Variants in PCSK2 observed in about 807,000 individuals in gnomAD.
PCSK2 encodes the protein proprotein convertase subtilisin/kexin type 2.
Under a neutral mutation model 69.7 loss-of-function variants are expected in PCSK2, and 14 were observed. The observed-to-expected ratio is 0.20, with a 90% CI of 0.13 to 0.31. The LOEUF is 0.31. PCSK2 is among the 10% of genes least tolerant of loss of function. The probability of loss-of-function intolerance (pLI) is 1.00; values close to 1 mark genes in which losing one functional copy is unlikely to be tolerated. For missense variants in PCSK2, 544 were observed against 842.5 expected (o/e 0.65, Z 4.39); for synonymous variants, 307 against 320.7 (o/e 0.96, Z 0.46).
chr20:17,337,180 G>A (rs567126217), intron 2 of PCSK2, among the ~76,000 whole-genome samples: 2 of 152,200 alleles, frequency 1.3e-5, no homozygotes, highest in South Asian at 4.1e-4. Flanking sequence ...GGATGGAGAA[G>A]AGCCCTGTTT....
chr20:17,259,490 C>T (rs1279994117), intron 1 of PCSK2, among the ~76,000 whole-genome samples: 1 of 152,178 alleles, frequency 6.6e-6, no homozygotes, highest in Non-Finnish European at 1.5e-5. Context: ...ACCTGAGCCA[C>T]ATCCAGGCCT....
chr20:17,268,345 T>C (rs1376576120), intron 2 of PCSK2, among the ~76,000 whole-genome samples: 1 of 151,994 alleles, frequency 6.6e-6, no homozygotes, highest in East Asian at 1.9e-4. Context: ...GTGGTCAAAA[T>C]GCTATGAGAA....
chr20:17,366,797 A>G (rs1234974726), intron 4 of PCSK2, among the ~76,000 whole-genome samples: 1 of 152,124 alleles, frequency 6.6e-6, no homozygotes, highest in East Asian at 1.9e-4. Flanking sequence ...CTAATTTAAG[A>G]TCGTTTATTT....
In PCSK2 at chr20:17,227,262, C is replaced by T. The variant is rs1268530158; in HGVS notation, c.-44C>T. 2 of 1,512,168 alleles carry T rather than the reference C, an allele frequency of 1.3e-6. No individual in the cohort carries two copies. The highest frequency in any genetic ancestry group is 2.3e-5 in the East Asian group (1 of 44,302). The allele number at this position is 1,512,168 out of a possible 1,614,324, so 93.7% of individuals were successfully genotyped here. ...CCTCCCTCCGAGTCCCCTGCTCCGC[C>T]AGCCTGCGCGCCTCCTAGCACCACT... On this transcript the variant is annotated 5_prime_UTR_variant, in exon 1 of 12. Transcript: ENST00000262545.
intron 2 of PCSK2, among the ~76,000 whole-genome samples, chr20:17,339,894 G>A (rs549936225): frequency 6.6e-6 from 1 of 152,266 alleles, no homozygotes; most frequent in South Asian, 2.1e-4. Context: ...CACTAGCAAT[G>A]GACATGTCAT....
chr20:17,394,388 G>A (rs1024269837), intron 5 of PCSK2, among the ~76,000 whole-genome samples: 1 of 152,172 alleles, frequency 6.6e-6, no homozygotes, highest in Non-Finnish European at 1.5e-5. Context: ...TGGAGGGGAT[G>A]GAAAAGCGAG....
intron 5 of PCSK2, 71 bp from the exon 6 acceptor site, chr20:17,409,192 A>T: frequency 8.6e-7 from 1 of 1,167,460 alleles, no homozygotes; most frequent in Non-Finnish European, 1.3e-6. Flanking sequence ...AAATGTTTAA[A>T]GTCTCCCAGC....
chr20:17,466,048 C>T (rs372419292), intron 11 of PCSK2, among the ~76,000 whole-genome samples: 18 of 152,286 alleles, frequency 1.2e-4, no homozygotes, highest in South Asian at 4.1e-4. Context: ...TTACATAGAA[C>T]ACAGAACCCC....
intron 8 of PCSK2, among the ~76,000 whole-genome samples, chr20:17,439,925 G>A (rs2032562006): frequency 6.6e-6 from 1 of 152,176 alleles, no homozygotes; most frequent in South Asian, 2.1e-4. Flanking sequence ...GGTCCCAGGG[G>A]AAGGAAGCAC....
chr20:17,327,302 A>G (rs75509733), intron 2 of PCSK2, among the ~76,000 whole-genome samples: 22,949 of 152,058 alleles, frequency 0.15, 2,406 homozygotes, highest in East Asian at 0.55. Context: ...TGTGTCAATC[A>G]CATTCCTCCC....
intron 1 of PCSK2, among the ~76,000 whole-genome samples, chr20:17,238,109 A>C (rs1014730129): frequency 6.6e-6 from 1 of 152,196 alleles, no homozygotes; most frequent in Non-Finnish European, 1.5e-5. Context: ...GAAAGTAAAC[A>C]TGTCTGCTAC....
chr20:17,373,361 T>G (rs180917529), intron 5 of PCSK2, among the ~76,000 whole-genome samples: 1 of 152,182 alleles, frequency 6.6e-6, no homozygotes, highest in Non-Finnish European at 1.5e-5. Flanking sequence ...AGCTGGGGTA[T>G]TTATGTGACA....
chr20:17,371,876 T>C (rs2030774760), intron 5 of PCSK2, among the ~76,000 whole-genome samples: 1 of 152,112 alleles, frequency 6.6e-6, no homozygotes. Context: ...GGAGATGAGA[T>C]GGCAGACAGT....
chr20:17,353,737 C>A (rs1456102149), intron 2 of PCSK2, among the ~76,000 whole-genome samples: 8 of 152,200 alleles, frequency 5.3e-5, no homozygotes, highest in African/African-American at 1.9e-4. Flanking sequence ...GACATGAAAT[C>A]AACCTAGGTA....
chr20:17,229,277 C>T (rs1219386134), intron 1 of PCSK2, among the ~76,000 whole-genome samples: 1 of 151,648 alleles, frequency 6.6e-6, no homozygotes, highest in Admixed American at 6.6e-5. Flanking sequence ...CAGAAGTGAA[C>T]CCATGCTCTT....
At chr20:17,333,523 G>T (rs961356657) in intron 2 of PCSK2, among the ~76,000 whole-genome samples, 3 of 152,090 alleles carry the variant, frequency 2.0e-5, no homozygotes, top group African/African-American at 7.2e-5. Flanking sequence ...AGCAGCACAG[G>T]AACACAAGCT....
rs1371594314 is a variant in PCSK2 at position 17,351,260 on chromosome 20, A to G, written c.283-7067A>G. On this transcript the variant is annotated intron_variant, in intron 2 of 11. Coordinates refer to ENST00000262545, the MANE Select transcript of PCSK2 (RefSeq NM_002594.5). ...GTTGAACTGGAATTGTGAAATAGCC[A>G]TCTGTTCATTTTAAAGAAAATATTA... 2.6e-5 allele frequency among the ~76,000 whole-genome samples: 4 copies of G among 152,288 alleles called. No individual in the cohort carries two copies. In the East Asian group the frequency reaches 7.7e-4, roughly 29 times the overall value.
At chr20:17,477,261 G>A (rs987962838) in intron 11 of PCSK2, among the ~76,000 whole-genome samples, 2 of 152,174 alleles carry the variant, frequency 1.3e-5, no homozygotes, top group African/African-American at 4.8e-5. Flanking sequence ...TATTGAGGAA[G>A]GATATTTGCA....
At chr20:17,455,290 C>T (rs1320117002) in intron 9 of PCSK2, among the ~76,000 whole-genome samples, 2 of 152,292 alleles carry the variant, frequency 1.3e-5, no homozygotes, top group African/African-American at 4.8e-5. Context: ...AAATAATAAG[C>T]TCTCTTGAGG....
Sources: allele counts gnomAD v4.1 joint callset (sites outside exome capture counted in the v4.1 genomes callset), GRCh38; gene constraint gnomAD v4.1.1; transcripts MANE v1.5; gene names NCBI Gene and HGNC (gene_info 2026-07-23, HGNC 2026-07-21).